HECTD4: variants seen among roughly 807,000 people sequenced by gnomAD.
HECTD4 encodes the protein probable E3 ubiquitin-protein ligase HECTD4.
A neutral mutation model predicts 471.5 loss-of-function variants in HECTD4; 114 were observed. That is an observed-to-expected ratio of 0.24 (90% CI 0.21 to 0.28). HECTD4 has a LOEUF of 0.28. Ranked by LOEUF, HECTD4 falls within the 10% of genes least tolerant of loss-of-function variation. The pLI, the probability that HECTD4 is intolerant of heterozygous loss-of-function variation, is 1.00. For missense variants in HECTD4, 3,866 were observed against 5,651.5 expected (o/e 0.68, Z 10.13); for synonymous variants, 2,012 against 2,256.0 (o/e 0.89, Z 3.07).
At chr12:112,249,732 A>C (rs1296926636) in intron 25 of HECTD4, 1 of 189,830 alleles carries the variant, frequency 5.3e-6, no homozygotes, top group Non-Finnish European at 1.1e-5. Flanking sequence ...TCAAAAATAA[A>C]CACATGTCTC....
chr12:112,312,982 TA>T, intron 4 of HECTD4, 34 bp downstream of exon 4: 1 of 1,523,444 alleles, frequency 6.6e-7, no homozygotes, highest in Non-Finnish European at 8.8e-7. Flanking sequence ...ATTTACATCT[TA>T]CTATTAATCA....
At chr12:112,210,806 G>T (rs2032740928) in intron 49 of HECTD4, among the ~76,000 whole-genome samples, 1 of 152,134 alleles carries the variant, frequency 6.6e-6, no homozygotes, top group Admixed American at 6.6e-5. Flanking sequence ...TCCTCCAACT[G>T]ATCATAACCC....
chr12:112,163,031 G>T lies in HECTD4; in HGVS notation c.13120+11C>A. 6.3e-7 allele frequency: 1 copy of T among 1,588,740 alleles called. No homozygotes were observed. Among genetic ancestry groups the T allele is most frequent in the African/African-American group, 1.3e-5 (1 of 74,688 alleles). ...GTCCCTACTTGGGACATGGCCAGGG[G>T]AGGGCGGTACCTGCTGTGCCATCTG... On this transcript the variant is annotated intron_variant, in intron 75 of 75. Transcript: ENST00000682272. The surrounding 1 kb of genome is among the most constrained non-coding windows in gnomAD (Gnocchi z 8.2).
In HECTD4 at chr12:112,184,356, T is replaced by C; in HGVS notation, c.10610A>G (p.Asp3537Gly). Residue 3537 changes from aspartate to glycine, a missense_variant, in exon 61 of 76, where the codon GAC becomes GGC. Physicochemically the swap from Asp to Gly is moderately conservative, Grantham distance 94 (BLOSUM62 -1). Around this residue, in one of 16 missense-constraint regions of HECTD4, gnomAD observed 192 missense variants for 189.9 expected, o/e 1.01. Transcript: ENST00000682272. The surrounding 1 kb of genome is among the most constrained non-coding windows in gnomAD (Gnocchi z 9.1). ...GCTGCCGGTGCTGCACAGGGAAATG[T>C]CCAGGCTTTCCTGGCTGGACACCGC... ...PHAVSSQESL[D>G]ISLCSTGSLG... The C allele has an allele frequency of 6.2e-7, 1 of 1,612,608 alleles. No individual in the cohort carries two copies. Among genetic ancestry groups the C allele is most frequent in the East Asian group, 2.2e-5 (1 of 44,868 alleles).
chr12:112,253,995 G>A (rs1195031537), intron 22 of HECTD4, 48 bp downstream of exon 22: 3 of 1,603,010 alleles, frequency 1.9e-6, no homozygotes, highest in Non-Finnish European at 2.6e-6. Context: ...TGTGAGGACT[G>A]CAAGTTCATT....
intron 60 of HECTD4, among the ~76,000 whole-genome samples, chr12:112,189,550 CAAAAAAAAAAA>C (rs57209316): frequency 6.6e-5 from 2 of 30,434 alleles, no homozygotes; most frequent in Non-Finnish European, 1.3e-4. Flanking sequence ...GACTCCGTCT[CAAAAAAAAAAA>C]AAAAAAAAAA....
At chr12:112,379,218 T>C (rs2036843868) in intron 1 of HECTD4, among the ~76,000 whole-genome samples, 1 of 152,228 alleles carries the variant, frequency 6.6e-6, no homozygotes, top group South Asian at 2.1e-4. Flanking sequence ...GAGGAGCAGA[T>C]GTGCAGTGAA....
rs774646587 is a variant in HECTD4 at position 112,175,727 on chromosome 12, C to A, written c.11594+9G>T. The A allele has an allele frequency of 3.7e-6, 6 of 1,611,064 alleles. No individual in the cohort carries two copies. In the Admixed American group the frequency reaches 1.0e-4, roughly 27 times the overall value. On this transcript the variant is annotated intron_variant, in intron 66 of 75. Coordinates refer to ENST00000682272, the MANE Select transcript of HECTD4 (RefSeq NM_001388303.1). ...AGGTGCCAACTGAGTCGAGGGGTAA[C>A]CCTCTTACCTCTCAAAGTGAAGATC... is the stretch of plus-strand genomic sequence containing the variant.
chr12:112,210,373 A>C (rs973981831), intron 49 of HECTD4, 121 bp from the exon 50 acceptor site: 19 of 1,014,328 alleles, frequency 1.9e-5, no homozygotes, highest in Non-Finnish European at 2.7e-5. Context: ...GTGTGCTGGC[A>C]TGAGAAACCA....
chr12:112,205,737 C>T (rs1012304166), intron 52 of HECTD4, among the ~76,000 whole-genome samples: 17 of 151,768 alleles, frequency 1.1e-4, no homozygotes, highest in African/African-American at 3.6e-4. Flanking sequence ...ATTACAGGCG[C>T]GCACTACCAC....
Position 112,373,959 on chromosome 12 carries a change from G to A in HECTD4, c.177+7993C>T, listed in dbSNP as rs1012818537. 2.0e-5 allele frequency among the ~76,000 whole-genome samples: 3 copies of A among 149,952 alleles called. No homozygotes were observed. In the Admixed American group the frequency reaches 2.0e-4, roughly 10 times the overall value. ...GCGAAGGTTGCAGTGAGCTGCGATCGTGCTATTGCGCTCCAGCCTAGGTGA... is the reference window on the plus strand; with the variant it reads ...GCGAAGGTTGCAGTGAGCTGCGATCATGCTATTGCGCTCCAGCCTAGGTGA... On this transcript the variant is annotated intron_variant, in intron 1 of 75. Transcript: ENST00000682272.
chr12:112,202,952 C>CA (rs1566070735), intron 54 of HECTD4: 3 of 149,436 alleles, frequency 2.0e-5, no homozygotes, highest in Non-Finnish European at 3.0e-5. Context: ...AAACTTTTTT[C>CA]TTTTTTTTTT....
In HECTD4 at chr12:112,194,863, C is replaced by A; in HGVS notation, c.8749+22G>T. The stretch of plus-strand genomic sequence containing the variant: ...CGCCTGGTGCTAAGTTCCAGAGTGA[C>A]AGCAGCAAAGCCAAGTTTTACCTGG... On this transcript the variant is annotated intron_variant, in intron 56 of 75. Transcript: ENST00000682272. This position sits in a 1 kb window ranked among gnomAD's most constrained non-coding sequence, Gnocchi z 4.6. 1 of 1,594,268 alleles carries A rather than the reference C, an allele frequency of 6.3e-7. No homozygotes were observed. The highest frequency in any genetic ancestry group is 8.5e-7 in the Non-Finnish European group (1 of 1,170,332).
intron 1 of HECTD4, among the ~76,000 whole-genome samples, chr12:112,361,036 T>G (rs190469242): frequency 4.1e-4 from 63 of 151,976 alleles, no homozygotes; most frequent in African/African-American, 1.3e-3. Context: ...TCAACTACAT[T>G]AATAAAGACA....
intron 20 of HECTD4, among the ~76,000 whole-genome samples, chr12:112,257,027 G>C (rs1398451842): frequency 1.3e-5 from 2 of 152,128 alleles, no homozygotes; most frequent in East Asian, 1.9e-4. Flanking sequence ...ACTAAAGAAA[G>C]GTGCCTTCAA....
At chr12:112,372,367 C>T (rs2036695417) in intron 1 of HECTD4, among the ~76,000 whole-genome samples, 1 of 152,182 alleles carries the variant, frequency 6.6e-6, no homozygotes, top group Non-Finnish European at 1.5e-5. Context: ...TCACGCCGTT[C>T]TCCTGCCTCA....
intron 44 of HECTD4, among the ~76,000 whole-genome samples, chr12:112,225,832 T>C (rs2033219550): frequency 6.6e-6 from 1 of 152,160 alleles, no homozygotes; most frequent in Non-Finnish European, 1.5e-5. Context: ...CTCACTATGT[T>C]GCCCAGGCTG....
Position 112,184,319 on chromosome 12 carries a change from C to T in HECTD4, c.10647G>A (p.Leu3549=). The change falls in exon 61 of 76, where the codon CTG becomes CTA. Residue 3549 remains leucine (L), a synonymous_variant. Transcript: ENST00000682272. The surrounding 1 kb of genome is among the most constrained non-coding windows in gnomAD (Gnocchi z 9.1). ...SLCSTGSLGS[L]GSLGEPLDNA... The stretch of plus-strand genomic sequence containing the variant: ...TGTCCAGGGGCTCCCCCAGGCTGCC[C>T]AGGCTGCCCAGGCTGCCGGTGCTGC... 6.2e-7 allele frequency: 1 copy of T among 1,613,188 alleles called. No individual in the cohort carries two copies. Among genetic ancestry groups the T allele is most frequent in the Non-Finnish European group, 8.5e-7 (1 of 1,179,826 alleles).
chr12:112,372,075 G>C (rs1488195351), intron 1 of HECTD4, among the ~76,000 whole-genome samples: 1 of 150,944 alleles, frequency 6.6e-6, no homozygotes, highest in African/African-American at 2.4e-5. Flanking sequence ...CTTATAAAGA[G>C]AGTCAATACA....
Sources: allele counts gnomAD v4.1 joint callset (sites outside exome capture counted in the v4.1 genomes callset), GRCh38; gene constraint gnomAD v4.1.1; regional missense constraint gnomAD v4.1.1; non-coding constraint Gnocchi (gnomAD v3.1); transcripts MANE v1.5; gene names NCBI Gene and HGNC (gene_info 2026-07-23, HGNC 2026-07-21).